EXOC2: variants seen among roughly 807,000 people sequenced by gnomAD.
The protein encoded by EXOC2 is exocyst complex component 2, also known as SEC5-like 1.
Under a neutral mutation model 131.8 loss-of-function variants are expected in EXOC2, and 70 were observed. The observed-to-expected ratio is 0.53, with a 90% CI of 0.44 to 0.65. EXOC2 has a LOEUF of 0.65. Among genes scored for constraint, EXOC2 ranks in the 30% least tolerant of loss-of-function variants. EXOC2 has a pLI of 0.00. For missense variants in EXOC2, 923 were observed against 1,108.6 expected, an observed-to-expected ratio of 0.83 and a Z score of 2.38; for synonymous variants, 411 against 398.4, an observed-to-expected ratio of 1.03 and a Z score of -0.38.
intron 3 of EXOC2, among the ~76,000 whole-genome samples, chr6:631,335 C>T (rs370287971): frequency 6.6e-4 from 101 of 152,176 alleles, no homozygotes; most frequent in East Asian, 1.9e-3. Flanking sequence ...GTCCGGAGTT[C>T]GAGACCAGCC....
intron 1 of EXOC2, among the ~76,000 whole-genome samples, chr6:661,874 A>T (rs534044108): frequency 6.6e-6 from 1 of 152,232 alleles, no homozygotes. Flanking sequence ...ATGGATAAGA[A>T]CTCACCAACC....
At chr6:560,490 T>TATCAAAAAG (rs1396290146) in intron 17 of EXOC2, among the ~76,000 whole-genome samples, 13 of 152,216 alleles carry the variant, frequency 8.5e-5, no homozygotes, top group African/African-American at 3.1e-4. Flanking sequence ...AAAGTCAATT[T>TATCAAAAAG]TCATATAATC....
chr6:635,069 T>C (rs1292752711), intron 2 of EXOC2, among the ~76,000 whole-genome samples: 1 of 152,256 alleles, frequency 6.6e-6, no homozygotes, highest in Non-Finnish European at 1.5e-5. Flanking sequence ...TTTTTAAGTA[T>C]TTTAATATCA....
chr6:574,206 A>C (rs975327705), intron 12 of EXOC2, among the ~76,000 whole-genome samples: 2 of 152,256 alleles, frequency 1.3e-5, no homozygotes, highest in African/African-American at 4.8e-5. Flanking sequence ...TATATCATTT[A>C]GCACATGCTC....
intron 1 of EXOC2, chr6:655,998 G>T (rs1045057481): frequency 2.6e-6 from 2 of 755,340 alleles, no homozygotes; most frequent in African/African-American, 3.5e-5. Context: ...CAAAATATAC[G>T]CCCTGCATAA....
intron 18 of EXOC2, 85 bp from the exon 19 acceptor site, chr6:556,098 C>A: frequency 1.6e-6 from 2 of 1,242,602 alleles, no homozygotes; most frequent in South Asian, 1.3e-5. Context: ...ACAGTTAAAA[C>A]GTGGAACGCT....
At chr6:623,612 T>G (rs1319220899) in intron 4 of EXOC2, among the ~76,000 whole-genome samples, 1 of 152,226 alleles carries the variant, frequency 6.6e-6, no homozygotes, top group African/African-American at 2.4e-5. Context: ...TAGTGGACAC[T>G]GTTGGCTATG....
intron 7 of EXOC2, among the ~76,000 whole-genome samples, chr6:609,328 T>A (rs1473655746): frequency 6.6e-6 from 1 of 152,266 alleles, no homozygotes; most frequent in African/African-American, 2.4e-5. Context: ...TACTTCCTGA[T>A]GAGATTGTAC....
chr6:618,185 A>G (rs987591366), intron 5 of EXOC2, among the ~76,000 whole-genome samples: 4 of 152,214 alleles, frequency 2.6e-5, no homozygotes, highest in Non-Finnish European at 5.9e-5. Flanking sequence ...GTACTAGGTA[A>G]GAAGACACAG....
At chr6:692,095 A>G (rs985853048) in intron 1 of EXOC2, among the ~76,000 whole-genome samples, 1 of 152,234 alleles carries the variant, frequency 6.6e-6, no homozygotes, top group African/African-American at 2.4e-5. Context: ...TAAGCTCAGA[A>G]GTAACTTTTC....
chr6:507,804 ATTC>A (rs1255003081), intron 23 of EXOC2, among the ~76,000 whole-genome samples: 5 of 152,214 alleles, frequency 3.3e-5, no homozygotes, highest in South Asian at 4.1e-4. Context: ...GGCAGACAGG[ATTC>A]TTCTTCTTCT....
intron 2 of EXOC2, among the ~76,000 whole-genome samples, chr6:637,071 T>C (rs9502346): frequency 0.079 from 11,992 of 152,084 alleles, 911 homozygotes; most frequent in African/African-American, 0.17. Context: ...CAAGCCAACA[T>C]CCAGAAATAT....
rs376254927 is a variant in EXOC2, at chr6:657,051, GCC to G, written c.-43-19192_-43-19191del. ...CGCTGCCCTCCCCGCCCTCCCTCCG[GCC>G]CCCCAGCTAGGCAGGCACTCGGGTT... On this transcript the variant is annotated intron_variant, in intron 1 of 27. Coordinates refer to ENST00000230449, the MANE Select transcript of EXOC2 (RefSeq NM_018303.6). 71 of 947,850 alleles carry G rather than the reference GCC, an allele frequency of 7.5e-5. No homozygotes were observed. In the African/African-American group the frequency reaches 1.2e-3, roughly 17 times the overall value. 58.7% of individuals were successfully genotyped at this position (947,850 alleles called of 1,614,324 possible). A position where few individuals can be genotyped will look rare whatever the true frequency, so the allele number is the denominator to read the frequency against.
chr6:514,795 G>C (rs1278280911), intron 23 of EXOC2, among the ~76,000 whole-genome samples: 1 of 152,230 alleles, frequency 6.6e-6, no homozygotes, highest in Non-Finnish European at 1.5e-5. Context: ...AGAACCAGCA[G>C]GCAGGCCCTG....
chr6:497,634 G>A, intron 24 of EXOC2, 145 bp from the exon 25 acceptor site: 2 of 1,064,110 alleles, frequency 1.9e-6, no homozygotes, highest in Non-Finnish European at 1.3e-6. Flanking sequence ...TAAATGAAAG[G>A]AAGATACAGA....
At chr6:551,172 G>C (rs1757123281) in intron 21 of EXOC2, among the ~76,000 whole-genome samples, 1 of 152,178 alleles carries the variant, frequency 6.6e-6, no homozygotes, top group Admixed American at 6.5e-5. Flanking sequence ...GCACGTGCAG[G>C]TGATGAATAT....
Position 610,148 on chromosome 6 carries a change from G to A in EXOC2, c.692C>T (p.Thr231Met), listed in dbSNP as rs771230697. 44 of 1,613,490 alleles carry A rather than the reference G, an allele frequency of 2.7e-5. No homozygotes were observed. Among genetic ancestry groups the A allele is most frequent in the East Asian group, 8.9e-5 (4 of 44,838 alleles). Residue 231 changes from threonine to methionine, a missense_variant, in exon 7 of 28, where the codon ACG (threonine) becomes ATG (methionine). By Grantham distance (81) the Thr-to-Met change is moderately conservative. Coordinates refer to ENST00000230449, the MANE Select transcript of EXOC2 (RefSeq NM_018303.6). ...CGTCATGGATCCTTCTACTTTTTCC[G>A]TTCCATCTGCTTCTAGTTTTTGATG... is the stretch of plus-strand genomic sequence containing the variant. Reference protein sequence around the residue: ...AIHQKLEADGTEKVEGSMTQK... With the variant: ...AIHQKLEADGMEKVEGSMTQK...
chr6:498,095 A>G (rs1018445917), intron 24 of EXOC2, among the ~76,000 whole-genome samples: 3 of 152,252 alleles, frequency 2.0e-5, no homozygotes, highest in Non-Finnish European at 4.4e-5. Context: ...TGACTCATAA[A>G]TGACAGTAAA....
intron 7 of EXOC2, among the ~76,000 whole-genome samples, chr6:604,898 G>C (rs1760318302): frequency 6.6e-6 from 1 of 151,636 alleles, no homozygotes; most frequent in Non-Finnish European, 1.5e-5. Flanking sequence ...TCCTCCCCTG[G>C]TATTCTCTGC....
Sources: allele counts gnomAD v4.1 joint callset (sites outside exome capture counted in the v4.1 genomes callset), GRCh38; gene constraint gnomAD v4.1.1; transcripts MANE v1.5; gene names NCBI Gene and HGNC (gene_info 2026-07-23, HGNC 2026-07-21).